The following KIF13B variants were observed in gnomAD, a reference collection of about 807,000 sequenced individuals.
The protein encoded by KIF13B is kinesin-like protein KIF13B.
A neutral mutation model predicts 222.0 loss-of-function variants in KIF13B; 127 were observed. The observed-to-expected ratio is 0.57, with a 90% CI of 0.50 to 0.66. KIF13B has a LOEUF of 0.66. Ranked by LOEUF, KIF13B falls within the 30% of genes least tolerant of loss-of-function variation. KIF13B has a pLI of 0.00. For missense variants in KIF13B, 2,173 were observed against 2,379.0 expected, an observed-to-expected ratio of 0.91 and a Z score of 1.80; for synonymous variants, 976 against 919.0, an observed-to-expected ratio of 1.06 and a Z score of -1.12.
chr8:29,197,139 C>G (rs1311438086), intron 2 of KIF13B, among the ~76,000 whole-genome samples: 3 of 151,512 alleles, frequency 2.0e-5, no homozygotes, highest in Non-Finnish European at 4.4e-5. Flanking sequence ...AAATCGAGAC[C>G]ATCCCGGCTA....
intron 2 of KIF13B, among the ~76,000 whole-genome samples, chr8:29,222,564 A>T (rs1325827129): frequency 1.0e-5 from 1 of 100,442 alleles, no homozygotes; most frequent in African/African-American, 4.0e-5. Context: ...TTGTAGAGAC[A>T]GGGTGTCACT....
Position 29,229,088 on chromosome 8 carries a change from T to TAAAAAAAAAAAAAAAAA in KIF13B, c.149+16241_149+16257dup, listed in dbSNP as rs370080449. Reference sequence around the variant, plus strand: ...TTTCCTAACTCCAGAATGTCAGCTTTAAAAAAAAAAAAAAAAAAAAAAAGC... The same window carrying TAAAAAAAAAAAAAAAAA: ...TTTCCTAACTCCAGAATGTCAGCTTTAAAAAAAAAAAAAAAAAAAAAAAAAAAAAAAAAAAAAAAAGC... On this transcript the variant is annotated intron_variant, in intron 2 of 39. Transcript: ENST00000524189. Among the ~76,000 whole-genome samples, 17 of 94,694 alleles carry TAAAAAAAAAAAAAAAAA rather than the reference T, an allele frequency of 1.8e-4. 1 individual carries two copies. Among genetic ancestry groups the TAAAAAAAAAAAAAAAAA allele is most frequent in the Admixed American group, 2.7e-4 (2 of 7,286 alleles). The allele number at this position is 94,694 out of a possible 152,430, so 62.1% of individuals were successfully genotyped here. A position where few individuals can be genotyped will look rare whatever the true frequency, so the allele number is the denominator to read the frequency against.
chr8:29,167,087 T>C (rs894733806), intron 11 of KIF13B, among the ~76,000 whole-genome samples: 12 of 152,220 alleles, frequency 7.9e-5, no homozygotes, highest in African/African-American at 2.4e-4. Context: ...CTTCCTCTCC[T>C]ATTCTATTAT....
At chr8:29,138,350 A>G (rs192062393) in intron 21 of KIF13B, among the ~76,000 whole-genome samples, 8 of 152,272 alleles carry the variant, frequency 5.3e-5, no homozygotes, top group Admixed American at 3.9e-4. Context: ...TAAAATAAAT[A>G]AATAAAAATT....
At chr8:29,098,013 T>C (rs760802671) in intron 36 of KIF13B, among the ~76,000 whole-genome samples, 55 of 150,734 alleles carry the variant, frequency 3.6e-4, no homozygotes, top group Non-Finnish European at 6.5e-4. Context: ...CTACTAAAAA[T>C]ACAAAAAATT....
chr8:29,158,462 T>C (rs1010948531), intron 13 of KIF13B, among the ~76,000 whole-genome samples: 15 of 151,794 alleles, frequency 9.9e-5, no homozygotes, highest in African/African-American at 3.6e-4. Flanking sequence ...ATAAAGGGGG[T>C]GTTATATTCT....
At chr8:29,080,462 G>A (rs1041312789) in intron 37 of KIF13B, among the ~76,000 whole-genome samples, 3 of 152,152 alleles carry the variant, frequency 2.0e-5, no homozygotes, top group Non-Finnish European at 4.4e-5. Flanking sequence ...GGAGGCGGGC[G>A]GGGAGAACGT....
At chr8:29,077,680 T>C (rs1393811757) in intron 37 of KIF13B, among the ~76,000 whole-genome samples, 1 of 152,226 alleles carries the variant, frequency 6.6e-6, no homozygotes, top group East Asian at 1.9e-4. Flanking sequence ...GCAAACAAGT[T>C]ACACTTTCCT....
intron 32 of KIF13B, among the ~76,000 whole-genome samples, chr8:29,112,825 C>A (rs888765777): frequency 6.6e-6 from 1 of 152,212 alleles, no homozygotes; most frequent in East Asian, 1.9e-4. Context: ...TACAGATAAG[C>A]CACATCTTCC....
In KIF13B at chr8:29,181,970, C is replaced by T. The variant is rs1215193348; in HGVS notation, c.534G>A (p.Val178=). ...AAAGTCCGTCGACATAAGGTCCCAA[C>T]ACACTATGCTCTCTGACTTTCAACG... ...RQTLKVREHS[V]LGPYVDGLSK... Residue 178 remains valine, a synonymous_variant, in exon 7 of 40, where the codon GTG becomes GTA. Coordinates refer to ENST00000524189, the MANE Select transcript of KIF13B (RefSeq NM_015254.4). 4.3e-6 allele frequency: 7 copies of T among 1,613,588 alleles called. No individual in the cohort carries two copies. Among genetic ancestry groups the T allele is most frequent in the African/African-American group, 2.7e-5 (2 of 74,916 alleles).
intron 14 of KIF13B, among the ~76,000 whole-genome samples, chr8:29,152,658 C>A (rs982203964): frequency 6.6e-6 from 1 of 152,098 alleles, no homozygotes; most frequent in Non-Finnish European, 1.5e-5. Context: ...GTCACCCAGG[C>A]TGGGGTGTAG....
chr8:29,118,846 T>A (rs897898394), intron 30 of KIF13B, 22 bp downstream of exon 30: 14 of 1,612,738 alleles, frequency 8.7e-6, no homozygotes, highest in Non-Finnish European at 1.1e-5. Context: ...CATCTGACCA[T>A]CCCAAGTTAG....
At chr8:29,077,040 C>T (rs978206948) in intron 37 of KIF13B, among the ~76,000 whole-genome samples, 2 of 152,190 alleles carry the variant, frequency 1.3e-5, no homozygotes, top group Non-Finnish European at 2.9e-5. Context: ...GTGTACTTTA[C>T]ACTGCAACCA....
intron 12 of KIF13B, among the ~76,000 whole-genome samples, chr8:29,163,936 T>C (rs971825364): frequency 2.6e-5 from 4 of 152,228 alleles, no homozygotes; most frequent in Non-Finnish European, 5.9e-5. Context: ...GAATGACTTA[T>C]AATTTATAAA....
At chr8:29,193,235 G>A (rs948436952) in intron 3 of KIF13B, among the ~76,000 whole-genome samples, 22 of 152,188 alleles carry the variant, frequency 1.4e-4, no homozygotes, top group African/African-American at 4.6e-4. Context: ...GCAGTGTTGT[G>A]TTACACACTG....
At chr8:29,232,006 A>T (rs776096856) in intron 2 of KIF13B, among the ~76,000 whole-genome samples, 5 of 152,160 alleles carry the variant, frequency 3.3e-5, no homozygotes. Flanking sequence ...CTACAATCTC[A>T]ACACTTGGGA....
chr8:29,172,462 A>C (rs2130208005), intron 10 of KIF13B, among the ~76,000 whole-genome samples: 1 of 152,374 alleles, frequency 6.6e-6, no homozygotes, highest in South Asian at 2.1e-4. Flanking sequence ...TGAAAGTTGC[A>C]ATGATAACCT....
At chr8:29,223,174 A>AC (rs1814838803) in intron 2 of KIF13B, among the ~76,000 whole-genome samples, 1 of 149,986 alleles carries the variant, frequency 6.7e-6, no homozygotes, top group Admixed American at 6.6e-5. Context: ...CAAAAAAAAA[A>AC]AAAACAAAAA....
chr8:29,085,575 T>C (rs1171492524), intron 37 of KIF13B, among the ~76,000 whole-genome samples: 15 of 151,984 alleles, frequency 9.9e-5, no homozygotes, highest in Admixed American at 9.8e-4. Context: ...TCTTGTTATG[T>C]TGCCCAGGCT....
Sources: gnomAD v4.1 joint callset for allele counts (sites outside exome capture counted in the v4.1 genomes callset) on GRCh38, gnomAD v4.1.1 for gene constraint, MANE v1.5 for transcripts, NCBI Gene and HGNC (gene_info 2026-07-23, HGNC 2026-07-21) for gene names.